Variants in CLASP1 observed in about 807,000 individuals in gnomAD.
CLASP1 encodes the protein CLIP-associating protein 1.
Under a neutral mutation model 192.3 loss-of-function variants are expected in CLASP1, and 38 were observed. That is an observed-to-expected ratio of 0.20 (90% CI 0.15 to 0.26). The LOEUF (loss-of-function observed/expected upper bound fraction) is 0.26, where lower values mean the gene tolerates loss of function less well. Among genes scored for constraint, CLASP1 ranks in the 10% least tolerant of loss-of-function variants. The pLI, the probability that CLASP1 is intolerant of heterozygous loss-of-function variation, is 1.00. For missense variants in CLASP1, 1,433 were observed against 1,932.5 expected (o/e 0.74, Z 4.85); for synonymous variants, 691 against 712.8 (o/e 0.97, Z 0.49).
intron 8 of CLASP1, among the ~76,000 whole-genome samples, chr2:121,479,011 A>AC (rs2092324716): frequency 2.0e-5 from 1 of 51,084 alleles, no homozygotes; most frequent in African/African-American, 9.8e-5. Context: ...CACCACACAC[A>AC]CACACCACAC....
At chr2:121,449,382 T>C (rs1020029706) in intron 16 of CLASP1, among the ~76,000 whole-genome samples, 1 of 152,054 alleles carries the variant, frequency 6.6e-6, no homozygotes, top group Non-Finnish European at 1.5e-5. Flanking sequence ...AAGCCTAACT[T>C]GCAAAACTGG....
chr2:121,428,022 G>A (rs189044427), intron 20 of CLASP1, among the ~76,000 whole-genome samples: 41 of 152,230 alleles, frequency 2.7e-4, no homozygotes, highest in Non-Finnish European at 4.6e-4. Context: ...ATAAGCTTAA[G>A]GTATAGGCTT....
At chr2:121,595,088 C>T (rs961565472) in intron 2 of CLASP1, among the ~76,000 whole-genome samples, 16 of 152,152 alleles carry the variant, frequency 1.1e-4, no homozygotes, top group Admixed American at 3.9e-4. Context: ...CTGTGGGGTA[C>T]GTCCTTACAC....
intron 8 of CLASP1, among the ~76,000 whole-genome samples, chr2:121,471,423 T>TA (rs921103615): frequency 2.1e-4 from 32 of 151,944 alleles, no homozygotes; most frequent in South Asian, 1.2e-3. Context: ...GTAATTTAAA[T>TA]AAAAAAAACA....
chr2:121,616,148 T>A (rs2066423384), intron 1 of CLASP1, among the ~76,000 whole-genome samples: 1 of 152,046 alleles, frequency 6.6e-6, no homozygotes, highest in South Asian at 2.1e-4. Flanking sequence ...AATAACCACA[T>A]TAAAAAATCT....
chr2:121,632,089 C>T (rs2106239741), intron 1 of CLASP1, among the ~76,000 whole-genome samples: 1 of 152,016 alleles, frequency 6.6e-6, no homozygotes, highest in East Asian at 1.9e-4. Flanking sequence ...AAAATAAATA[C>T]AAAAATCAGC....
intron 2 of CLASP1, among the ~76,000 whole-genome samples, chr2:121,586,723 C>G (rs1399223508): frequency 1.3e-5 from 2 of 152,154 alleles, no homozygotes; most frequent in African/African-American, 4.8e-5. Flanking sequence ...CTTTGGGGCC[C>G]TGTGAGCATA....
At chr2:121,524,557 T>G (rs1575651838) in intron 6 of CLASP1, among the ~76,000 whole-genome samples, 1 of 151,956 alleles carries the variant, frequency 6.6e-6, no homozygotes, top group South Asian at 2.1e-4. Context: ...CCCAGGTTCA[T>G]GCGATTCTTG....
chr2:121,592,741 C>T (rs1373717790), intron 2 of CLASP1, among the ~76,000 whole-genome samples: 1 of 152,046 alleles, frequency 6.6e-6, no homozygotes, highest in African/African-American at 2.4e-5. Context: ...AGGCTCTGCC[C>T]CCCAGGGTTC....
At chr2:121,460,331 A>G (rs1193482745) in intron 11 of CLASP1, among the ~76,000 whole-genome samples, 2 of 152,248 alleles carry the variant, frequency 1.3e-5, no homozygotes, top group Non-Finnish European at 2.9e-5. Flanking sequence ...ATTTTTAACT[A>G]GAGTATTTGT....
rs915476037 is a variant in CLASP1 at position 121,568,389 on chromosome 2, A to G, written c.195+37312T>C. Among the ~76,000 whole-genome samples the G allele has an allele frequency of 2.6e-5, 4 of 152,084 alleles. No homozygotes were observed. The East Asian group carries it at 7.7e-4, about 29-fold the overall frequency. On this transcript the variant is annotated intron_variant, in intron 2 of 39. Coordinates refer to ENST00000263710, the Ensembl canonical transcript of CLASP1. The stretch of plus-strand genomic sequence containing the variant: ...TCACACTGGGGCAGTCTAATCAGAT[A>G]ACAAATGACCCTCAGAAAACTCAGC...
At chr2:121,559,546 G>C (rs1477342185) in intron 2 of CLASP1, among the ~76,000 whole-genome samples, 1 of 152,084 alleles carries the variant, frequency 6.6e-6, no homozygotes, top group African/African-American at 2.4e-5. Context: ...GGTAAACCTT[G>C]AAAACATTAT....
chr2:121,373,543 T>A (rs1027640751), intron 34 of CLASP1, among the ~76,000 whole-genome samples: 2 of 152,036 alleles, frequency 1.3e-5, no homozygotes, highest in Non-Finnish European at 2.9e-5. Context: ...GACAGGAAAA[T>A]GAAAGAAAGT....
intron 14 of CLASP1, among the ~76,000 whole-genome samples, chr2:121,455,707 A>C (rs2086491651): frequency 6.6e-6 from 1 of 152,126 alleles, no homozygotes. Flanking sequence ...AAAAAATTTA[A>C]AACTTAGCTG....
intron 2 of CLASP1, among the ~76,000 whole-genome samples, chr2:121,604,305 G>A (rs866915025): frequency 6.6e-6 from 1 of 152,186 alleles, no homozygotes; most frequent in Non-Finnish European, 1.5e-5. Flanking sequence ...AAACACATAA[G>A]AAGCAATTGA....
intron 34 of CLASP1, among the ~76,000 whole-genome samples, chr2:121,377,128 A>G (rs1373923600): frequency 6.6e-6 from 1 of 152,226 alleles, no homozygotes; most frequent in South Asian, 2.1e-4. Flanking sequence ...GGTGCCAAAA[A>G]GGTTGGGGAC....
intron 30 of CLASP1, 87 bp downstream of exon 31, chr2:121,397,053 T>C: frequency 7.5e-7 from 1 of 1,335,042 alleles, no homozygotes. Context: ...TGTGGGTGGG[T>C]GGCACGGTTT....
intron 19 of CLASP1, among the ~76,000 whole-genome samples, chr2:121,431,744 TG>T (rs1430238886): frequency 3.8e-4 from 58 of 151,166 alleles, no homozygotes; most frequent in African/African-American, 1.3e-3. Flanking sequence ...AGCATTCCCT[TG>T]GTTTTTTTTT....
chr2:121,431,676 A>C (rs75652149), intron 19 of CLASP1, among the ~76,000 whole-genome samples: 6,359 of 151,846 alleles, frequency 0.042, 167 homozygotes, highest in East Asian at 0.14. Flanking sequence ...TCTTTGCTAA[A>C]CCTCTCGTAT....
Sources: gnomAD v4.1 joint callset for allele counts (sites outside exome capture counted in the v4.1 genomes callset) on GRCh38, gnomAD v4.1.1 for gene constraint, MANE v1.5 for transcripts, NCBI Gene and HGNC (gene_info 2026-07-23, HGNC 2026-07-21) for gene names.